Variants in EYS observed in about 807,000 individuals in gnomAD.
EYS encodes the protein protein eyes shut homolog.
EYS carries 250 observed loss-of-function variants against 282.1 expected under a neutral mutation model. The ratio of observed to expected loss-of-function variants is 0.89; its 90% CI spans 0.80 to 0.98. The LOEUF is 0.98. EYS is among the 50% of genes least tolerant of loss of function. EYS has a pLI of 0.00. For synonymous variants in EYS, 1,355 were observed against 1,282.9 expected (o/e 1.06, Z -1.20); for missense variants, 4,016 against 3,709.0 (o/e 1.08, Z -2.15).
chr6:65,687,464 C>T (rs1457700550), intron 1 of EYS, among the ~76,000 whole-genome samples: 1 of 152,026 alleles, frequency 6.6e-6, no homozygotes, highest in Admixed American at 6.6e-5. Context: ...TACCACCTCA[C>T]TTTTCCAGCA....
intron 35 of EYS, among the ~76,000 whole-genome samples, chr6:63,946,534 C>A (rs867467877): frequency 6.6e-6 from 1 of 151,972 alleles, no homozygotes; most frequent in East Asian, 1.9e-4. Flanking sequence ...GGAGGTCTTA[C>A]GCTACATTTT....
At chr6:63,933,088 G>A (rs1764945855) in intron 35 of EYS, among the ~76,000 whole-genome samples, 1 of 152,198 alleles carries the variant, frequency 6.6e-6, no homozygotes, top group African/African-American at 2.4e-5. Flanking sequence ...GCTGCATAGG[G>A]CAAGGCATGT....
chr6:64,790,466 A>G (rs1185149046), intron 22 of EYS, among the ~76,000 whole-genome samples: 2 of 152,104 alleles, frequency 1.3e-5, no homozygotes, highest in South Asian at 4.1e-4. Context: ...TCTAACAATT[A>G]GCAATCACCC....
At chr6:65,504,634 CTG>C (rs1766590566) in intron 2 of EYS, among the ~76,000 whole-genome samples, 1 of 151,142 alleles carries the variant, frequency 6.6e-6, no homozygotes, top group Non-Finnish European at 1.5e-5. Context: ...AATATTTTTT[CTG>C]TGTCAGTTTA....
intron 8 of EYS, among the ~76,000 whole-genome samples, chr6:65,377,761 A>C (rs919077211): frequency 1.3e-5 from 2 of 152,054 alleles, no homozygotes; most frequent in South Asian, 4.1e-4. Context: ...ATGCAAAAAC[A>C]AAACAAAACA....
intron 2 of EYS, among the ~76,000 whole-genome samples, chr6:65,524,598 A>T (rs911494365): frequency 1.3e-5 from 2 of 152,190 alleles, no homozygotes; most frequent in Non-Finnish European, 2.9e-5. Flanking sequence ...TTATCAAACC[A>T]CTTACTTCAG....
chr6:63,954,386 C>T (rs1304149610), intron 35 of EYS, among the ~76,000 whole-genome samples: 2 of 152,198 alleles, frequency 1.3e-5, no homozygotes, highest in Admixed American at 1.3e-4. Context: ...CAGGCCCTCA[C>T]TCTTGCAAAG....
intron 5 of EYS, among the ~76,000 whole-genome samples, chr6:65,478,699 C>T (rs752176651): frequency 6.6e-6 from 1 of 151,928 alleles, no homozygotes; most frequent in Non-Finnish European, 1.5e-5. Flanking sequence ...GTTAAATATC[C>T]CAAATTACTG....
intron 33 of EYS, among the ~76,000 whole-genome samples, chr6:64,062,650 C>A (rs577898170): frequency 2.1e-5 from 3 of 144,948 alleles, no homozygotes; most frequent in Non-Finnish European, 4.5e-5. Flanking sequence ...GAGATCGCAC[C>A]ATTGCACTCC....
chr6:65,519,891 A>ATT (rs34941445), intron 2 of EYS, among the ~76,000 whole-genome samples: 2 of 133,534 alleles, frequency 1.5e-5, no homozygotes, highest in Admixed American at 7.6e-5. Flanking sequence ...TAATTTTTCT[A>ATT]TTTTTTTTTT....
intron 26 of EYS, among the ~76,000 whole-genome samples, chr6:64,587,321 T>G (rs1766263877): frequency 6.6e-6 from 1 of 152,070 alleles, no homozygotes; most frequent in African/African-American, 2.4e-5. Context: ...TAGCACTCAG[T>G]GGTCTACTTT....
intron 15 of EYS, among the ~76,000 whole-genome samples, chr6:64,926,906 A>C (rs1768535073): frequency 6.6e-6 from 1 of 152,232 alleles, no homozygotes; most frequent in Non-Finnish European, 1.5e-5. Flanking sequence ...GCAAGAGCAA[A>C]TATAAAGACT....
intron 26 of EYS, among the ~76,000 whole-genome samples, chr6:64,578,870 T>C (rs562700830): frequency 3.0e-4 from 45 of 152,226 alleles, no homozygotes; most frequent in Non-Finnish European, 5.7e-4. Context: ...TTAAGTAATA[T>C]CTTAATTACT....
intron 36 of EYS, among the ~76,000 whole-genome samples, chr6:63,830,642 T>G (rs933314664): frequency 6.6e-6 from 1 of 152,150 alleles, no homozygotes; most frequent in Non-Finnish European, 1.5e-5. Context: ...AAAACACTCT[T>G]CAGGATATTA....
intron 36 of EYS, among the ~76,000 whole-genome samples, chr6:63,845,104 C>G (rs1457460951): frequency 1.3e-5 from 2 of 151,894 alleles, no homozygotes; most frequent in Non-Finnish European, 2.9e-5. Flanking sequence ...TAATGACTTC[C>G]AAGGAAGGAG....
At chr6:65,515,793 G>T in intron 2 of EYS, among the ~76,000 whole-genome samples, 1 of 118,078 alleles carries the variant, frequency 8.5e-6, no homozygotes, top group Non-Finnish European at 1.7e-5. Context: ...GACTGTTGTG[G>T]GGTGGGGGGA....
chr6:64,826,387 G>T (rs9360082), intron 19 of EYS, among the ~76,000 whole-genome samples: 14,025 of 151,810 alleles, frequency 0.092, 867 homozygotes, highest in East Asian at 0.33. Context: ...TGGTTCTAAA[G>T]TTTTTTATTT....
chr6:64,253,713 TAAGTTAACTGGACTGATCACTGA>T (rs957371873), intron 30 of EYS, among the ~76,000 whole-genome samples: 1 of 151,964 alleles, frequency 6.6e-6, no homozygotes, highest in African/African-American at 2.4e-5. Context: ...TTGCTTCCTC[TAAGTTAACTGGACTGATCACTGA>T]GGTGACTTAG....
chr6:64,775,323 C>T (rs540403039), intron 22 of EYS, among the ~76,000 whole-genome samples: 1 of 152,012 alleles, frequency 6.6e-6, no homozygotes, highest in Non-Finnish European at 1.5e-5. Flanking sequence ...AAAGGCTGTT[C>T]ATATAGTTAA....
Sources: gnomAD v4.1 joint callset for allele counts (sites outside exome capture counted in the v4.1 genomes callset) on GRCh38, gnomAD v4.1.1 for gene constraint, MANE v1.5 for transcripts, NCBI Gene and HGNC (gene_info 2026-07-23, HGNC 2026-07-21) for gene names.